The following CSMD1 variants were observed in gnomAD, a reference collection of about 807,000 sequenced individuals.
CSMD1 encodes CUB and sushi domain-containing protein 1.
Under a neutral mutation model 417.5 loss-of-function variants are expected in CSMD1, and 213 were observed. The observed-to-expected ratio is 0.51, with a 90% confidence interval of 0.46 to 0.57. The LOEUF is 0.57. Among genes scored for constraint, CSMD1 ranks in the 20% least tolerant of loss-of-function variants. The pLI, the probability that CSMD1 is intolerant of heterozygous loss-of-function variation, is 0.00. For synonymous variants in CSMD1, 2,862 were observed against 1,736.8 expected, an observed-to-expected ratio of 1.65 and a Z score of -16.11; for missense variants, 6,923 against 4,529.7, an observed-to-expected ratio of 1.53 and a Z score of -15.17.
intron 1 of CSMD1, among the ~76,000 whole-genome samples, chr8:4,812,675 T>G (rs1798976501): frequency 6.6e-6 from 1 of 152,184 alleles, no homozygotes; most frequent in South Asian, 2.1e-4. Flanking sequence ...ATTTAGTCCA[T>G]TAAGCAAATA....
At chr8:3,378,373 A>G (rs1256532754) in intron 18 of CSMD1, among the ~76,000 whole-genome samples, 3 of 152,190 alleles carry the variant, frequency 2.0e-5, no homozygotes, top group Non-Finnish European at 2.9e-5. Context: ...AATAAAAAAG[A>G]GGGACTCCTC....
rs375999726 is a variant in CSMD1, at chr8:3,181,149, T to C, written c.5686A>G (p.Ile1896Val). Residue 1896 changes from isoleucine to valine, a missense_variant, in exon 37 of 70, where the codon ATT becomes GTT. By Grantham distance (29) the Ile-to-Val change is conservative. Coordinates refer to ENST00000635120, the MANE Select transcript of CSMD1 (RefSeq NM_033225.6). ...NQLYLHFQSD[I>V]SVAAAGFHLE... ...TGGAAACCAGCAGCTGCCACACTAATGTCAGACTGGAAATGCAGGTAGAGT... is the reference window on the plus strand; with the variant it reads ...TGGAAACCAGCAGCTGCCACACTAACGTCAGACTGGAAATGCAGGTAGAGT... 29 of 1,613,922 alleles carry C rather than the reference T, an allele frequency of 1.8e-5. No individual in the cohort carries two copies. The highest frequency in any genetic ancestry group is 3.3e-5 in the Admixed American group (2 of 60,028).
At chr8:4,867,603 T>A (rs563048055) in intron 1 of CSMD1, among the ~76,000 whole-genome samples, 85 of 152,216 alleles carry the variant, frequency 5.6e-4, no homozygotes, top group African/African-American at 1.7e-3. Context: ...GCTGTATTTT[T>A]GTATCACCTT....
At chr8:4,891,518 T>C (rs544615393) in intron 1 of CSMD1, among the ~76,000 whole-genome samples, 1 of 152,258 alleles carries the variant, frequency 6.6e-6, no homozygotes, top group South Asian at 2.1e-4. Flanking sequence ...TAGTGTTTTA[T>C]ACTAAAAATA....
rs146513108 is a variant in CSMD1 at position 3,923,262 on chromosome 8, G to A, written c.818+74641C>T. 4.1e-4 allele frequency among the ~76,000 whole-genome samples: 63 copies of A among 152,210 alleles called. 1 individual carries two copies. The highest frequency in any genetic ancestry group is 2.2e-3 in the Admixed American group (33 of 15,288). On this transcript the variant is annotated intron_variant, in intron 5 of 69. Coordinates refer to ENST00000635120, the MANE Select transcript of CSMD1 (RefSeq NM_033225.6). ...TGAATCTTCCAGAGTCTGGTGAGTG[G>A]AGTGTCTGACTCTGGAGCCCAGGCT... is the stretch of plus-strand genomic sequence containing the variant.
In CSMD1 at chr8:3,514,114, G is replaced by C. The variant is rs1214242568; in HGVS notation, c.1345-20388C>G. On this transcript the variant is annotated intron_variant, in intron 10 of 69. Coordinates refer to ENST00000635120, the MANE Select transcript of CSMD1 (RefSeq NM_033225.6). ...TCAATCCTCTTCTCTTGGCAGATAG[G>C]AGGCTCAAATCAATCTCTCCGTAAT... Among the ~76,000 whole-genome samples, 3 of 152,134 alleles carry C rather than the reference G, an allele frequency of 2.0e-5. No homozygotes were observed. The Middle Eastern group carries it at 0.01, about 517-fold the overall frequency.
intron 6 of CSMD1, among the ~76,000 whole-genome samples, chr8:3,747,337 T>A (rs1797110216): frequency 6.6e-6 from 1 of 152,162 alleles, no homozygotes; most frequent in South Asian, 2.1e-4. Context: ...TTCTAAACAA[T>A]CCATCATTTT....
intron 3 of CSMD1, among the ~76,000 whole-genome samples, chr8:4,362,175 G>A (rs1801805429): frequency 6.6e-6 from 1 of 152,140 alleles, no homozygotes; most frequent in South Asian, 2.1e-4. Flanking sequence ...TGAGTACAGT[G>A]AAGAAAAAGT....
chr8:4,772,692 G>C (rs776337816), intron 1 of CSMD1, among the ~76,000 whole-genome samples: 3 of 152,142 alleles, frequency 2.0e-5, no homozygotes, highest in African/African-American at 7.2e-5. Context: ...ATCTGTGAAA[G>C]GATGTGCATT....
At chr8:4,919,410 C>G (rs1240061182) in intron 1 of CSMD1, among the ~76,000 whole-genome samples, 4 of 151,810 alleles carry the variant, frequency 2.6e-5, no homozygotes, top group Non-Finnish European at 5.9e-5. Flanking sequence ...GAAATATGAC[C>G]AAAATTTCCA....
intron 54 of CSMD1, among the ~76,000 whole-genome samples, chr8:2,984,054 A>G (rs1805649155): frequency 6.6e-6 from 1 of 152,192 alleles, no homozygotes; most frequent in Non-Finnish European, 1.5e-5. Flanking sequence ...CTAAGAAAAA[A>G]AATAAAACCA....
chr8:3,827,784 T>C (rs1051926700), intron 5 of CSMD1, among the ~76,000 whole-genome samples: 3 of 152,202 alleles, frequency 2.0e-5, no homozygotes, highest in Admixed American at 6.5e-5. Flanking sequence ...GACTATCCTA[T>C]AAATTATTGC....
At chr8:3,679,218 C>A (rs1450577429) in intron 7 of CSMD1, among the ~76,000 whole-genome samples, 14 of 152,190 alleles carry the variant, frequency 9.2e-5, no homozygotes, top group South Asian at 2.1e-4. Flanking sequence ...CTAAATGCTC[C>A]AATTACAAGA....
intron 9 of CSMD1, among the ~76,000 whole-genome samples, chr8:3,579,986 C>T (rs1174096845): frequency 6.6e-6 from 1 of 152,064 alleles, no homozygotes; most frequent in African/African-American, 2.4e-5. Context: ...TGACTGTAAT[C>T]CCAGCTACTC....
intron 5 of CSMD1, among the ~76,000 whole-genome samples, chr8:3,858,284 C>T (rs771664449): frequency 1.3e-5 from 2 of 152,010 alleles, no homozygotes; most frequent in Non-Finnish European, 2.9e-5. Flanking sequence ...CTTATCAAAC[C>T]CTCAGGATTT....
At chr8:2,969,771 C>G (rs190882945) in intron 57 of CSMD1, among the ~76,000 whole-genome samples, 265 of 152,244 alleles carry the variant, frequency 1.7e-3, no homozygotes, top group African/African-American at 6.1e-3. Flanking sequence ...AAATGAAAAC[C>G]TACAGATTCT....
At chr8:3,629,445 A>G (rs9644349) in intron 7 of CSMD1, among the ~76,000 whole-genome samples, 88,293 of 151,982 alleles carry the variant, frequency 0.58, 26,220 homozygotes, top group Middle Eastern at 0.76. Flanking sequence ...TATCAACCAT[A>G]CAATATTATT....
intron 3 of CSMD1, among the ~76,000 whole-genome samples, chr8:4,055,058 A>C (rs1363407480): frequency 6.6e-6 from 1 of 152,194 alleles, no homozygotes; most frequent in Non-Finnish European, 1.5e-5. Flanking sequence ...ACTATATTCA[A>C]ACAATCAGAG....
At chr8:4,203,711 C>G (rs1232947564) in intron 3 of CSMD1, among the ~76,000 whole-genome samples, 1 of 152,078 alleles carries the variant, frequency 6.6e-6, no homozygotes, top group African/African-American at 2.4e-5. Context: ...AACATACACA[C>G]ACATACACAT....
Sources: allele counts gnomAD v4.1 joint callset (sites outside exome capture counted in the v4.1 genomes callset), GRCh38; gene constraint gnomAD v4.1.1; transcripts MANE v1.5; gene names NCBI Gene and HGNC (gene_info 2026-07-23, HGNC 2026-07-21).